UNC80: variants seen among roughly 807,000 people sequenced by gnomAD.
UNC80 encodes the protein protein unc-80 homolog.
Under a neutral mutation model 384.6 loss-of-function variants are expected in UNC80, and 164 were observed. The ratio of observed to expected loss-of-function variants is 0.43; its 90% CI spans 0.38 to 0.49. UNC80 has a LOEUF of 0.49. Among genes scored for constraint, UNC80 ranks in the 20% least tolerant of loss-of-function variants. The pLI, the probability that UNC80 is intolerant of heterozygous loss-of-function variation, is 0.00. For missense variants in UNC80, 3,330 were observed against 4,143.0 expected, an observed-to-expected ratio of 0.80 and a Z score of 5.39; for synonymous variants, 1,486 against 1,527.8, an observed-to-expected ratio of 0.97 and a Z score of 0.64.
At chr2:209,969,553 A>G (rs74829204) in intron 52 of UNC80, 15,757 of 553,232 alleles carry the variant, frequency 0.028, 546 homozygotes, top group South Asian at 0.13. Flanking sequence ...TTTTTTCTTC[A>G]ATAGATTTAG....
At chr2:209,912,802 C>A in intron 30 of UNC80, 135 bp downstream of exon 30, 1 of 585,718 alleles carries the variant, frequency 1.7e-6, no homozygotes, top group East Asian at 3.1e-5. Context: ...AGTTGGTGAG[C>A]AAGAGTGCCA....
chr2:209,995,383 G>T lies in UNC80; in HGVS notation c.9763G>T (p.Gly3255Cys), dbSNP rs1263663616. 1 of 1,552,112 alleles carries T rather than the reference G, an allele frequency of 6.4e-7. No individual in the cohort carries two copies. The highest frequency in any genetic ancestry group is 2.0e-5 in the Admixed American group (1 of 51,014). The change falls in exon 65 of 65, where the codon GGT (glycine) becomes TGT (cysteine). Residue 3255 changes from glycine (G) to cysteine (C), a missense_variant. By Grantham distance (159) the Gly-to-Cys change is radical (BLOSUM62 -3). Transcript: ENST00000673920. ...AAAGGAGGAGGACACAGAAGCACAA[G>T]GTGCTACTGCACACAGTCCACTCTC... ...GEKEEDTEAQ[G>C]ATAHSPLSAQ...
intron 2 of UNC80, among the ~76,000 whole-genome samples, chr2:209,773,662 G>A (rs962272461): frequency 6.6e-6 from 1 of 152,192 alleles, no homozygotes; most frequent in African/African-American, 2.4e-5. Context: ...ACCAGGTGGT[G>A]TAGGGTGTTT....
chr2:209,896,782 T>C (rs2086838341), intron 28 of UNC80, among the ~76,000 whole-genome samples: 1 of 152,062 alleles, frequency 6.6e-6, no homozygotes, highest in Admixed American at 6.6e-5. Flanking sequence ...GGTGTTGCTC[T>C]TGGGTGTGTA....
At chr2:209,862,649 C>CTTTTTTGTTTTTTTTT (rs2083428038) in intron 22 of UNC80, among the ~76,000 whole-genome samples, 1 of 78,824 alleles carries the variant, frequency 1.3e-5, no homozygotes, top group African/African-American at 6.1e-5. Flanking sequence ...GCAACCTCTG[C>CTTTTTTGTTTTTTTTT]TTTTTTTTTT....
At chr2:209,874,748 A>G (rs987668216) in intron 23 of UNC80, among the ~76,000 whole-genome samples, 1 of 152,226 alleles carries the variant, frequency 6.6e-6, no homozygotes, top group Non-Finnish European at 1.5e-5. Flanking sequence ...CTGTAAGTAC[A>G]GACTTCCCTA....
At chr2:209,980,842 T>C (rs1194356821) in intron 59 of UNC80, among the ~76,000 whole-genome samples, 1 of 152,220 alleles carries the variant, frequency 6.6e-6, no homozygotes, top group African/African-American at 2.4e-5. Flanking sequence ...TTAAGTGATA[T>C]GTGAATACAA....
intron 44 of UNC80, among the ~76,000 whole-genome samples, chr2:209,942,668 A>G: frequency 6.6e-6 from 1 of 152,026 alleles, no homozygotes; most frequent in East Asian, 1.9e-4. Flanking sequence ...TCTCTTCCTC[A>G]TTTTTAGATA....
chr2:209,933,726 A>G (rs536031502), intron 38 of UNC80, 96 bp from the exon 39 acceptor site: 1 of 1,106,102 alleles, frequency 9.0e-7, no homozygotes, highest in South Asian at 1.7e-5. Flanking sequence ...GAAGGCACAG[A>G]AGAAGGTCGA....
intron 1 of UNC80, 80 bp from the exon 2 acceptor site, chr2:209,773,014 C>A: frequency 8.7e-7 from 1 of 1,146,446 alleles, no homozygotes; most frequent in Non-Finnish European, 1.3e-6. Flanking sequence ...CTGTCTTATT[C>A]ATTGAAAAAT....
At chr2:209,912,972 G>A (rs1332807174) in intron 30 of UNC80, among the ~76,000 whole-genome samples, 5 of 152,172 alleles carry the variant, frequency 3.3e-5, no homozygotes, top group Non-Finnish European at 4.4e-5. Flanking sequence ...ACGGGTTTTG[G>A]AATGAGACAG....
chr2:209,818,688 A>G (rs2079919094), intron 11 of UNC80, among the ~76,000 whole-genome samples: 1 of 152,240 alleles, frequency 6.6e-6, no homozygotes, highest in Non-Finnish European at 1.5e-5. Flanking sequence ...AACAATGGGT[A>G]AAATTCATCC....
At chr2:209,906,371 A>G (rs1358250982) in intron 29 of UNC80, among the ~76,000 whole-genome samples, 2 of 152,152 alleles carry the variant, frequency 1.3e-5, no homozygotes, top group Non-Finnish European at 2.9e-5. Flanking sequence ...AGTTCATCCT[A>G]TGGGGTATGA....
chr2:209,984,410 T>C (rs930916444), intron 60 of UNC80, among the ~76,000 whole-genome samples: 1 of 152,202 alleles, frequency 6.6e-6, no homozygotes, highest in South Asian at 2.1e-4. Flanking sequence ...AAGTGGTTTC[T>C]GTGTGCTAAT....
chr2:209,837,328 G>A (rs1208110588), intron 18 of UNC80, among the ~76,000 whole-genome samples: 2 of 152,130 alleles, frequency 1.3e-5, no homozygotes, highest in Non-Finnish European at 2.9e-5. Context: ...CCAAATTACT[G>A]CAGTAATATA....
At chr2:209,860,013 A>C (rs2083234648) in intron 22 of UNC80, among the ~76,000 whole-genome samples, 1 of 152,046 alleles carries the variant, frequency 6.6e-6, no homozygotes. Flanking sequence ...TGCTGTGCAG[A>C]AGCTCTTTAG....
At chr2:209,929,192 G>A (rs2090657511) in intron 36 of UNC80, among the ~76,000 whole-genome samples, 1 of 152,062 alleles carries the variant, frequency 6.6e-6, no homozygotes, top group Non-Finnish European at 1.5e-5. Flanking sequence ...ATGGAATTGG[G>A]AAACACGTTG....
chr2:209,955,730 TATATATATACAC>T (rs1463934608), intron 48 of UNC80, among the ~76,000 whole-genome samples: 3 of 63,932 alleles, frequency 4.7e-5, no homozygotes, highest in African/African-American at 2.1e-4. Context: ...TATATATATA[TATATATATACAC>T]ACACACACAC....
intron 8 of UNC80, among the ~76,000 whole-genome samples, chr2:209,814,967 T>C (rs924695714): frequency 3.5e-5 from 5 of 142,252 alleles, no homozygotes; most frequent in African/African-American, 1.2e-4. Context: ...AACAAAACAC[T>C]CTTTTTAATT....
Sources: allele counts gnomAD v4.1 joint callset (sites outside exome capture counted in the v4.1 genomes callset), GRCh38; gene constraint gnomAD v4.1.1; transcripts MANE v1.5; gene names NCBI Gene and HGNC (gene_info 2026-07-23, HGNC 2026-07-21).